The following PARVB variants were observed in gnomAD, a reference collection of about 807,000 sequenced individuals.
PARVB encodes beta-parvin.
PARVB carries 46 observed loss-of-function variants against 47.0 expected under a neutral mutation model. The ratio of observed to expected loss-of-function variants is 0.98; its 90% CI spans 0.77 to 1.25. The LOEUF is 1.25. Among genes scored for constraint, PARVB ranks in the 50% most tolerant of loss-of-function variants. The pLI, the probability that PARVB is intolerant of heterozygous loss-of-function variation, is 0.00. For missense variants in PARVB, 473 were observed against 471.6 expected (o/e 1.00, Z -0.03); for synonymous variants, 196 against 196.3 (o/e 1.00, Z 0.01).
intron 1 of PARVB, among the ~76,000 whole-genome samples, chr22:44,037,914 T>A (rs1215104356): frequency 4.0e-5 from 6 of 151,888 alleles, no homozygotes. Flanking sequence ...AAGTCCAGAT[T>A]CTCGCCAGCC....
At chr22:44,164,415 C>CCAA (rs1555913792) in intron 12 of PARVB, among the ~76,000 whole-genome samples, 2 of 139,178 alleles carry the variant, frequency 1.4e-5, no homozygotes, top group South Asian at 2.2e-4. Flanking sequence ...CCTGTCCCCC[C>CCAA]CCCGGCTCCT....
At chr22:44,084,237 C>T (rs1179994278) in intron 1 of PARVB, among the ~76,000 whole-genome samples, 1 of 152,200 alleles carries the variant, frequency 6.6e-6, no homozygotes, top group Admixed American at 6.5e-5. Context: ...TGACTGTGTT[C>T]CTGGGAGGCC....
intron 1 of PARVB, chr22:44,039,780 G>T: frequency 2.2e-6 from 1 of 446,260 alleles, no homozygotes; most frequent in South Asian, 1.6e-5. Context: ...AGCAAACCAA[G>T]ACAGACCAAA....
At chr22:44,063,607 G>A (rs2051460960) in intron 1 of PARVB, among the ~76,000 whole-genome samples, 1 of 152,132 alleles carries the variant, frequency 6.6e-6, no homozygotes, top group South Asian at 2.1e-4. Context: ...GGTTTAGAGG[G>A]TGCCTGACAG....
At position 44,155,416 on chromosome 22, in the gene PARVB, C is replaced by T. The variant is rs1377938699; in HGVS notation, c.844-2566C>T. 6.6e-6 allele frequency among the ~76,000 whole-genome samples: 1 copy of T among 152,198 alleles called. No individual in the cohort carries two copies. The highest frequency in any genetic ancestry group is 2.4e-5 in the African/African-American group (1 of 41,460). On this transcript the variant is annotated intron_variant, in intron 10 of 12. Coordinates refer to ENST00000338758, the MANE Select transcript of PARVB (RefSeq NM_013327.5). This position sits in a 1 kb window ranked among gnomAD's most constrained non-coding sequence, Gnocchi z 4.8. Reference sequence around the variant, plus strand: ...GTGAAAGTGGAGGGTCACCCGCTCGCAGCTGGGCCCCCCAGCCCTGCCCTC... The same window carrying T: ...GTGAAAGTGGAGGGTCACCCGCTCGTAGCTGGGCCCCCCAGCCCTGCCCTC...
At chr22:44,151,715 C>T (rs2053814812) in intron 10 of PARVB, 164 bp downstream of exon 10, 3 of 598,900 alleles carry the variant, frequency 5.0e-6, no homozygotes, top group Non-Finnish European at 9.1e-6. Context: ...CTCAGCCCCT[C>T]TGTCTTCCTT....
chr22:44,066,739 T>A lies in PARVB; in HGVS notation c.113-27189T>A, dbSNP rs1190025068. ...TCTTGCTTGCCTTATGGGGCCTTGA[T>A]GAGAATCAAATGAAATGATGACATC... On this transcript the variant is annotated intron_variant, in intron 1 of 12. Transcript: ENST00000338758. Among the ~76,000 whole-genome samples the A allele has an allele frequency of 2.0e-5, 3 of 147,252 alleles. No homozygotes were observed. The East Asian group carries it at 5.9e-4, about 29-fold the overall frequency.
chr22:44,149,828 G>C (rs1461647479), intron 9 of PARVB: 1 of 152,216 alleles, frequency 6.6e-6, no homozygotes, highest in African/African-American at 2.4e-5. Context: ...CATAGTAGCT[G>C]CTCAGTAAAT....
rs367647378 is a variant in PARVB, at chr22:44,079,462, G to A, written c.113-14466G>A. On this transcript the variant is annotated intron_variant, in intron 1 of 12. Transcript: ENST00000338758. Reference sequence around the variant, plus strand: ...GTGGGACACAGCTGTGTCTGAAAACGTCAAGCAGTTAGCTCATCCCTGGCT... The same window carrying A: ...GTGGGACACAGCTGTGTCTGAAAACATCAAGCAGTTAGCTCATCCCTGGCT... Among the ~76,000 whole-genome samples, 24 of 152,270 alleles carry A rather than the reference G, an allele frequency of 1.6e-4. No individual in the cohort carries two copies. In the East Asian group the frequency reaches 2.3e-3, roughly 15 times the overall value.
intron 1 of PARVB, among the ~76,000 whole-genome samples, chr22:44,040,802 T>C (rs2051004636): frequency 6.6e-6 from 1 of 151,188 alleles, no homozygotes; most frequent in Non-Finnish European, 1.5e-5. Flanking sequence ...GATCATGAGG[T>C]CAGGAGATCG....
At position 44,050,941 on chromosome 22, in the gene PARVB, G is replaced by A. The variant is rs5764481; in HGVS notation, c.112+26490G>A. Reference sequence around the variant, plus strand: ...GGGATGTGAGCACAGAAGCTGAGGCGGGGGCTGAGCCGGGTGTGTATTTCT... The same window carrying A: ...GGGATGTGAGCACAGAAGCTGAGGCAGGGGCTGAGCCGGGTGTGTATTTCT... On this transcript the variant is annotated intron_variant, in intron 1 of 12. Transcript: ENST00000338758. Among the ~76,000 whole-genome samples the A allele has an allele frequency of 4.5e-4, 69 of 152,350 alleles. No homozygotes were observed. The East Asian group carries it at 0.011, about 24-fold the overall frequency.
intron 1 of PARVB, among the ~76,000 whole-genome samples, chr22:44,040,729 A>G (rs1297897042): frequency 6.6e-6 from 1 of 152,208 alleles, no homozygotes; most frequent in Non-Finnish European, 1.5e-5. Context: ...TTTGTGTCGT[A>G]TGGAGGCCGG....
intron 1 of PARVB, among the ~76,000 whole-genome samples, chr22:44,039,401 C>T (rs545021324): frequency 9.9e-5 from 15 of 152,074 alleles, no homozygotes; most frequent in African/African-American, 2.4e-4. Flanking sequence ...ATTAGCTGGG[C>T]GTGGTGGTGC....
chr22:44,172,358 G>A lies in PARVB; in HGVS notation c.*3680G>A, dbSNP rs755603203. 6 of 152,494 alleles carry A rather than the reference G, an allele frequency of 3.9e-5. No homozygotes were observed. Among genetic ancestry groups the A allele is most frequent in the Non-Finnish European group, 8.8e-5 (6 of 68,252 alleles). The allele number at this position is 152,494 out of a possible 1,614,324, so 9.4% of individuals were successfully genotyped here. ...GAATGGTTCTTTGAAGAGGAACCCT[G>A]GTCCATAGGAACTGAGTGAAAGCAA... On this transcript the variant is annotated 3_prime_UTR_variant, in exon 13 of 13. Transcript: ENST00000338758.
intron 3 of PARVB, among the ~76,000 whole-genome samples, chr22:44,118,506 TCC>T (rs771294925): frequency 6.6e-6 from 1 of 152,214 alleles, no homozygotes; most frequent in Non-Finnish European, 1.5e-5. Context: ...CCCTTTGCTG[TCC>T]TGGGTTAGGG....
chr22:44,044,298 C>T (rs1328282429), intron 1 of PARVB, among the ~76,000 whole-genome samples: 1 of 145,374 alleles, frequency 6.9e-6, no homozygotes, highest in Non-Finnish European at 1.5e-5. Flanking sequence ...TCACGCCATT[C>T]TTCTGCCTCA....
intron 2 of PARVB, among the ~76,000 whole-genome samples, chr22:44,012,472 C>T (rs2050533167): frequency 6.6e-6 from 1 of 152,206 alleles, no homozygotes; most frequent in South Asian, 2.1e-4. Flanking sequence ...TTACTGTGAA[C>T]ATCGCAGGTT....
chr22:44,099,518 T>TC (rs11353013), intron 2 of PARVB, among the ~76,000 whole-genome samples: 48 of 151,216 alleles, frequency 3.2e-4, no homozygotes, highest in Non-Finnish European at 3.8e-4. Flanking sequence ...TTACACATCA[T>TC]CCCCCCCCAC....
intron 1 of PARVB, among the ~76,000 whole-genome samples, chr22:44,045,273 A>G (rs868277679): frequency 8.5e-5 from 13 of 152,224 alleles, no homozygotes; most frequent in African/African-American, 3.1e-4. Context: ...AAATAAATAC[A>G]TACATACATA....
Sources: allele counts gnomAD v4.1 joint callset (sites outside exome capture counted in the v4.1 genomes callset), GRCh38; gene constraint gnomAD v4.1.1; non-coding constraint Gnocchi (gnomAD v3.1); transcripts MANE v1.5; gene names NCBI Gene and HGNC (gene_info 2026-07-23, HGNC 2026-07-21).